PTPRD: variants seen among roughly 807,000 people sequenced by gnomAD.
The protein encoded by PTPRD is receptor-type tyrosine-protein phosphatase delta.
A neutral mutation model predicts 214.5 loss-of-function variants in PTPRD; 34 were observed. The ratio of observed to expected loss-of-function variants is 0.16; its 90% CI spans 0.12 to 0.21. The LOEUF is 0.21. Ranked by LOEUF, PTPRD falls within the 10% of genes least tolerant of loss-of-function variation. The pLI is 1.00. For synonymous variants in PTPRD, 1,128 were observed against 845.7 expected (o/e 1.33, Z -5.79); for missense variants, 2,545 against 2,398.7 (o/e 1.06, Z -1.27).
intron 14 of PTPRD, among the ~76,000 whole-genome samples, chr9:8,557,726 G>T (rs2084455074): frequency 8.0e-6 from 1 of 125,212 alleles, no homozygotes; most frequent in African/African-American, 3.0e-5. Flanking sequence ...CTGGGTGACA[G>T]AGCGAGACTG....
chr9:9,874,688 T>C (rs1229378476), intron 5 of PTPRD, among the ~76,000 whole-genome samples: 2 of 152,198 alleles, frequency 1.3e-5, no homozygotes, highest in Non-Finnish European at 2.9e-5. Context: ...AGTCCTCCAG[T>C]CAAACATTAA....
intron 2 of PTPRD, among the ~76,000 whole-genome samples, chr9:10,381,480 T>A (rs2097824124): frequency 6.6e-6 from 1 of 151,976 alleles, no homozygotes; most frequent in Admixed American, 6.6e-5. Flanking sequence ...TCAAACAGAT[T>A]TTCAGAGATC....
chr9:9,117,104 G>C (rs2099813098), intron 10 of PTPRD, among the ~76,000 whole-genome samples: 1 of 152,048 alleles, frequency 6.6e-6, no homozygotes, highest in Non-Finnish European at 1.5e-5. Flanking sequence ...GATGCTATCT[G>C]GACACTGAAT....
At chr9:9,474,517 T>C (rs1242071271) in intron 8 of PTPRD, among the ~76,000 whole-genome samples, 1 of 152,126 alleles carries the variant, frequency 6.6e-6, no homozygotes, top group Non-Finnish European at 1.5e-5. Context: ...ATTAAATCTA[T>C]AGATTGCTTT....
At chr9:8,357,412 G>A (rs1309985315) in intron 39 of PTPRD, among the ~76,000 whole-genome samples, 1 of 152,116 alleles carries the variant, frequency 6.6e-6, no homozygotes, top group Non-Finnish European at 1.5e-5. Flanking sequence ...ATGGAGTCTA[G>A]GCCTATTTGG....
chr9:10,194,154 T>C (rs2099386435), intron 3 of PTPRD, among the ~76,000 whole-genome samples: 1 of 152,004 alleles, frequency 6.6e-6, no homozygotes, highest in African/African-American at 2.4e-5. Flanking sequence ...ATACTTAGCT[T>C]ATCATTGATG....
intron 8 of PTPRD, among the ~76,000 whole-genome samples, chr9:9,420,546 T>C (rs1435253458): frequency 6.6e-6 from 1 of 151,940 alleles, no homozygotes; most frequent in Non-Finnish European, 1.5e-5. Flanking sequence ...TGAATAACTT[T>C]GGGTCTAACA....
chr9:10,291,654 C>A (rs2095531263), intron 3 of PTPRD, among the ~76,000 whole-genome samples: 1 of 152,016 alleles, frequency 6.6e-6, no homozygotes, highest in Non-Finnish European at 1.5e-5. Flanking sequence ...AGAAAAGGAA[C>A]CAAATTCTCC....
intron 2 of PTPRD, among the ~76,000 whole-genome samples, chr9:10,372,530 T>G (rs1478597388): frequency 6.6e-6 from 1 of 152,058 alleles, no homozygotes; most frequent in African/African-American, 2.4e-5. Context: ...TAAATTTTAC[T>G]TTGTCTGCCA....
chr9:8,963,368 G>A (rs1340477586), intron 11 of PTPRD, among the ~76,000 whole-genome samples: 3 of 152,104 alleles, frequency 2.0e-5, no homozygotes, highest in South Asian at 2.1e-4. Flanking sequence ...GTGGTAATAC[G>A]GGTGTTCACA....
intron 2 of PTPRD, among the ~76,000 whole-genome samples, chr9:10,501,467 T>C (rs1399223004): frequency 6.6e-6 from 1 of 152,030 alleles, no homozygotes; most frequent in Non-Finnish European, 1.5e-5. Context: ...AAATATTTTG[T>C]CCTATTCTGT....
At chr9:8,640,851 A>AC (rs1485831739) in intron 12 of PTPRD, among the ~76,000 whole-genome samples, 15 of 149,206 alleles carry the variant, frequency 1.0e-4, no homozygotes, top group African/African-American at 3.6e-4. Flanking sequence ...AAGACTCAAG[A>AC]TAATATAGTA....
intron 34 of PTPRD, among the ~76,000 whole-genome samples, chr9:8,442,162 G>T (rs921457881): frequency 6.6e-6 from 1 of 152,092 alleles, no homozygotes; most frequent in Non-Finnish European, 1.5e-5. Context: ...TGAACTAAAG[G>T]TATTAATTTA....
At chr9:8,702,997 G>C (rs758180516) in intron 12 of PTPRD, among the ~76,000 whole-genome samples, 1 of 152,222 alleles carries the variant, frequency 6.6e-6, no homozygotes, top group Non-Finnish European at 1.5e-5. Context: ...GGATTGACTG[G>C]AGAAGTTTGT....
At chr9:9,825,519 G>A (rs1278211647) in intron 5 of PTPRD, among the ~76,000 whole-genome samples, 1 of 151,942 alleles carries the variant, frequency 6.6e-6, no homozygotes, top group Non-Finnish European at 1.5e-5. Context: ...TAGGCAGTCA[G>A]TGCATATAGA....
At chr9:8,674,185 A>T (rs1224294649) in intron 12 of PTPRD, among the ~76,000 whole-genome samples, 2 of 152,126 alleles carry the variant, frequency 1.3e-5, no homozygotes, top group East Asian at 1.9e-4. Flanking sequence ...AAAAAGCCTG[A>T]AGTTTGGCTC....
At position 8,317,128 on chromosome 9, in the gene PTPRD, C is replaced by T. The variant is rs982447969; in HGVS notation, c.*746G>A. The T allele has an allele frequency of 8.6e-6, 2 of 231,886 alleles. No homozygotes were observed. Among genetic ancestry groups the T allele is most frequent in the Non-Finnish European group, 1.7e-5 (2 of 116,978 alleles). 14.4% of individuals were successfully genotyped at this position (231,886 alleles called of 1,614,324 possible). A position where few individuals can be genotyped will look rare whatever the true frequency, so the allele number is the denominator to read the frequency against. On this transcript the variant is annotated 3_prime_UTR_variant, in exon 46 of 46. Coordinates refer to ENST00000381196, the MANE Select transcript of PTPRD (RefSeq NM_002839.4). ...TGTAAAATTAATATATCTGACGAGA[C>T]TGATACTGTAGATTGAGTTTTGCAC...
chr9:8,474,682 G>A (rs2096728665), intron 30 of PTPRD, among the ~76,000 whole-genome samples: 1 of 152,074 alleles, frequency 6.6e-6, no homozygotes, highest in South Asian at 2.1e-4. Context: ...CCTCTAGCCT[G>A]AAACCCTGGA....
At chr9:10,331,957 A>T (rs1003418934) in intron 3 of PTPRD, among the ~76,000 whole-genome samples, 4 of 151,868 alleles carry the variant, frequency 2.6e-5, no homozygotes, top group African/African-American at 9.7e-5. Flanking sequence ...TTAAGCAAGG[A>T]GAAGGATATA....
Sources: gnomAD v4.1 joint callset for allele counts (sites outside exome capture counted in the v4.1 genomes callset) on GRCh38, gnomAD v4.1.1 for gene constraint, MANE v1.5 for transcripts, NCBI Gene and HGNC (gene_info 2026-07-23, HGNC 2026-07-21) for gene names.